The following KAZN variants were observed in gnomAD, a reference collection of about 807,000 sequenced individuals.
KAZN encodes the protein kazrin.
In KAZN, 40 loss-of-function variants were observed where a neutral mutation model predicts 87.4. The observed-to-expected ratio is 0.46, with a 90% CI of 0.36 to 0.60. KAZN has a LOEUF of 0.60. Ranked by LOEUF, KAZN falls within the 20% of genes least tolerant of loss-of-function variation. KAZN has a pLI of 0.00. For synonymous variants in KAZN, 466 were observed against 458.3 expected, an observed-to-expected ratio of 1.02 and a Z score of -0.22; for missense variants, 898 against 1,073.9, an observed-to-expected ratio of 0.84 and a Z score of 2.29.
At chr1:14,052,353 A>G (rs1344844707) in intron 1 of KAZN, among the ~76,000 whole-genome samples, 2 of 152,242 alleles carry the variant, frequency 1.3e-5, no homozygotes, top group Non-Finnish European at 2.9e-5. Flanking sequence ...ATAAAAATCA[A>G]AAGAGATATT....
chr1:14,834,519 G>A (rs551596311), intron 1 of KAZN, among the ~76,000 whole-genome samples: 4 of 151,848 alleles, frequency 2.6e-5, no homozygotes, highest in African/African-American at 4.8e-5. Flanking sequence ...CCACCACCAC[G>A]CCCAGCTGAT....
chr1:14,634,157 A>G (rs1253387137), intron 1 of KAZN, among the ~76,000 whole-genome samples: 1 of 152,156 alleles, frequency 6.6e-6, no homozygotes, highest in African/African-American at 2.4e-5. Context: ...GTGTATCTAT[A>G]AGGCAATGGA....
At chr1:14,029,367 G>C (rs1394319772) in intron 1 of KAZN, among the ~76,000 whole-genome samples, 2 of 68,580 alleles carry the variant, frequency 2.9e-5, no homozygotes, top group Non-Finnish European at 5.7e-5. Context: ...GTAGATTCTG[G>C]ATATTAGCCC....
At chr1:14,835,854 A>C (rs3845593) in intron 1 of KAZN, among the ~76,000 whole-genome samples, 3 of 139,096 alleles carry the variant, frequency 2.2e-5, no homozygotes, top group African/African-American at 5.4e-5. Flanking sequence ...CCTCCTTGAC[A>C]TTGAGGTTTG....
At chr1:14,926,311 G>A (rs192222769) in intron 1 of KAZN, among the ~76,000 whole-genome samples, 4 of 152,192 alleles carry the variant, frequency 2.6e-5, no homozygotes, top group African/African-American at 7.2e-5. Context: ...AGATAGGGCT[G>A]TTTACTTTGT....
At chr1:13,952,429 T>C (rs1199004488) in intron 1 of KAZN, among the ~76,000 whole-genome samples, 1 of 152,086 alleles carries the variant, frequency 6.6e-6, no homozygotes, top group East Asian at 1.9e-4. Context: ...TGAAACAGAA[T>C]GGCCAGCACA....
chr1:14,543,307 G>C (rs545278299), intron 2 of KAZN, among the ~76,000 whole-genome samples: 2 of 152,344 alleles, frequency 1.3e-5, no homozygotes, highest in South Asian at 4.1e-4. Flanking sequence ...TAAGTTGCAT[G>C]AAGTTGGCCT....
chr1:14,781,482 A>G (rs1285541814), intron 1 of KAZN, among the ~76,000 whole-genome samples: 1 of 152,240 alleles, frequency 6.6e-6, no homozygotes, highest in Non-Finnish European at 1.5e-5. Context: ...TTACAACTCT[A>G]AACATGCGTG....
At chr1:13,991,405 G>A (rs1423009277) in intron 1 of KAZN, among the ~76,000 whole-genome samples, 1 of 151,806 alleles carries the variant, frequency 6.6e-6, no homozygotes, top group Admixed American at 6.6e-5. Context: ...AAACCTGCAC[G>A]TTCTGCACAT....
At position 15,101,747 on chromosome 1, in the gene KAZN, G is replaced by T; in HGVS notation, c.1752G>T (p.Leu584=). Residue 584 remains leucine, a synonymous_variant, in exon 11 of 15, where the codon CTG becomes CTT. Coordinates refer to ENST00000376030, the MANE Select transcript of KAZN (RefSeq NM_201628.3). ...HQVSILLGIE[L]LYQVNFSREA... The stretch of plus-strand genomic sequence containing the variant: ...TCAGCATCCTGCTGGGGATCGAGCT[G>T]CTGTACCAAGTGAACTTCAGCAGGG... 1.9e-6 allele frequency: 3 copies of T among 1,584,786 alleles called. No individual in the cohort carries two copies. The highest frequency in any genetic ancestry group is 2.6e-6 in the Non-Finnish European group (3 of 1,165,142).
At chr1:14,903,607 T>G (rs1021704140) in intron 1 of KAZN, among the ~76,000 whole-genome samples, 1 of 152,152 alleles carries the variant, frequency 6.6e-6, no homozygotes, top group Admixed American at 6.5e-5. Context: ...GTTGTTTCCT[T>G]GTGGCTAAAG....
intron 3 of KAZN, among the ~76,000 whole-genome samples, chr1:15,038,320 A>G (rs1459363299): frequency 6.6e-6 from 1 of 152,148 alleles, no homozygotes; most frequent in East Asian, 1.9e-4. Context: ...GATCCAAAAG[A>G]TGGCGCTGTT....
intron 1 of KAZN, among the ~76,000 whole-genome samples, chr1:14,134,305 C>T (rs1006892925): frequency 1.1e-4 from 16 of 152,096 alleles, no homozygotes; most frequent in African/African-American, 3.9e-4. Context: ...ATCAGTAGCT[C>T]CAAGAAGACA....
chr1:14,706,614 A>G (rs1642223629), intron 1 of KAZN, among the ~76,000 whole-genome samples: 1 of 152,192 alleles, frequency 6.6e-6, no homozygotes, highest in Non-Finnish European at 1.5e-5. Context: ...TTGTGTGTCA[A>G]CTTTTAAAAT....
chr1:13,921,600 C>T (rs1167078213), intron 1 of KAZN, among the ~76,000 whole-genome samples: 1 of 152,134 alleles, frequency 6.6e-6, no homozygotes, highest in Non-Finnish European at 1.5e-5. Context: ...TTTCCTCATG[C>T]TTCTATCCTG....
intron 1 of KAZN, among the ~76,000 whole-genome samples, chr1:14,619,891 A>G (rs960109560): frequency 1.3e-5 from 2 of 152,250 alleles, no homozygotes; most frequent in Non-Finnish European, 2.9e-5. Context: ...ACGACCGTAT[A>G]ACATTCCAGT....
chr1:14,705,661 A>G (rs1271764487), intron 1 of KAZN, among the ~76,000 whole-genome samples: 1 of 152,202 alleles, frequency 6.6e-6, no homozygotes, highest in African/African-American at 2.4e-5. Flanking sequence ...CATTATGTTA[A>G]GTGAAACAAG....
chr1:14,592,373 G>T (rs139554931), intron 2 of KAZN, among the ~76,000 whole-genome samples: 1 of 152,258 alleles, frequency 6.6e-6, no homozygotes, highest in Middle Eastern at 3.4e-3. Flanking sequence ...TATTTCACAC[G>T]TGCTCAGTGT....
At chr1:14,525,292 G>A (rs2148470952) in intron 2 of KAZN, among the ~76,000 whole-genome samples, 1 of 151,998 alleles carries the variant, frequency 6.6e-6, no homozygotes, top group South Asian at 2.1e-4. Context: ...GCTCTAATAG[G>A]TAGTTTGTGC....
Sources: allele counts gnomAD v4.1 joint callset (sites outside exome capture counted in the v4.1 genomes callset), GRCh38; gene constraint gnomAD v4.1.1; transcripts MANE v1.5; gene names NCBI Gene and HGNC (gene_info 2026-07-23, HGNC 2026-07-21).